The following PDK3 variants were observed in gnomAD, a reference collection of about 807,000 sequenced individuals.
The protein encoded by PDK3 is pyruvate dehydrogenase kinase 3, also known as pyruvate dehydrogenase kinase, isozyme 3.
A neutral mutation model predicts 32.0 loss-of-function variants in PDK3; 12 were observed. The observed-to-expected ratio is 0.37, with a 90% confidence interval of 0.24 to 0.61. PDK3 has a LOEUF of 0.61. Among genes scored for constraint, PDK3 ranks in the 20% least tolerant of loss-of-function variants. The pLI is 0.65. For missense variants in PDK3, 188 were observed against 316.9 expected (o/e 0.59, Z 3.09); for synonymous variants, 122 against 116.3 (o/e 1.05, Z -0.31).
At chrX:24,519,652 G>C (rs1358617240) in intron 6 of PDK3, among the ~76,000 whole-genome samples, 1 of 111,351 alleles carries the variant, frequency 9.0e-6, no homozygotes, top group Non-Finnish European at 1.9e-5. Flanking sequence ...TTACAGGCGT[G>C]AGCCACCGTG....
chrX:24,530,052 C>T (rs1922614572), intron 9 of PDK3, among the ~76,000 whole-genome samples: 1 of 111,699 alleles, frequency 9.0e-6, no homozygotes, highest in South Asian at 3.8e-4. Context: ...GCATTGGCCT[C>T]GGAGTTCTCG....
intron 2 of PDK3, among the ~76,000 whole-genome samples, chrX:24,497,502 TCTTGAACTCCTGGC>T (rs1356706852): frequency 6.3e-5 from 7 of 111,850 alleles, no homozygotes; most frequent in Non-Finnish European, 1.3e-4. Context: ...GCCAGGCTGG[TCTTGAACTCCTGGC>T]CTCAAGTAAT....
intron 1 of PDK3, among the ~76,000 whole-genome samples, chrX:24,472,843 A>G (rs1308752700): frequency 2.8e-5 from 3 of 106,961 alleles, no homozygotes; most frequent in Non-Finnish European, 5.8e-5. Context: ...ATGCGCCTAC[A>G]TGCCCAGCTA....
intron 1 of PDK3, among the ~76,000 whole-genome samples, chrX:24,480,124 A>G (rs973316362): frequency 1.8e-5 from 2 of 111,462 alleles, no homozygotes; most frequent in African/African-American, 6.5e-5. Flanking sequence ...AAGCATTACC[A>G]CATCCTGAAG....
downstream of PDK3, among the ~76,000 whole-genome samples, chrX:24,538,231 C>T (rs750026644): frequency 3.5e-4 from 39 of 112,326 alleles, no homozygotes; most frequent in African/African-American, 1.3e-3. Context: ...TTAGTCTTAA[C>T]TTCTAATATA....
chrX:24,509,673 G>T (rs1040737013), intron 5 of PDK3, among the ~76,000 whole-genome samples: 2 of 111,573 alleles, frequency 1.8e-5, no homozygotes, highest in African/African-American at 6.5e-5. Flanking sequence ...AACAGTGGAG[G>T]TGGTTTCAGA....
intron 6 of PDK3, among the ~76,000 whole-genome samples, chrX:24,523,310 TTACATTTCAACATA>T (rs1922442503): frequency 2.7e-5 from 3 of 112,328 alleles, no homozygotes; most frequent in Non-Finnish European, 5.6e-5. Context: ...ACATCAAGGG[TTACATTTCAACATA>T]GGAATTTGGG....
intron 3 of PDK3, among the ~76,000 whole-genome samples, chrX:24,500,609 G>A (rs779092884): frequency 8.9e-6 from 1 of 112,407 alleles, no homozygotes; most frequent in South Asian, 3.7e-4. Flanking sequence ...GAGTTTTGTA[G>A]CTTGCCTAGG....
chrX:24,500,290 T>C, intron 3 of PDK3, among the ~76,000 whole-genome samples: 1 of 112,323 alleles, frequency 8.9e-6, no homozygotes, highest in Non-Finnish European at 1.9e-5. Flanking sequence ...TCAGGTATTA[T>C]AACTAGTCTA....
Position 24,474,914 on chromosome X carries a change from A to C in PDK3, c.106+9353A>C, listed in dbSNP as rs377605583. 6.7e-4 allele frequency among the ~76,000 whole-genome samples: 75 copies of C among 111,966 alleles called. No individual in the cohort carries two copies. The South Asian group carries it at 0.027, about 40-fold the overall frequency. On this transcript the variant is annotated intron_variant, in intron 1 of 10. Transcript: ENST00000379162. ...GTTTCCGCATTCTTACTATTCTTAA[A>C]GTTTAAGGGCCCAGCCATCTTCTTT...
downstream of PDK3, among the ~76,000 whole-genome samples, chrX:24,534,708 G>A (rs776994227): frequency 1.1e-4 from 12 of 112,238 alleles, no homozygotes; most frequent in African/African-American, 3.9e-4. Context: ...CAACACTTTG[G>A]GAGGCTGAGG....
chrX:24,527,874 A>C (rs771157082), intron 8 of PDK3, among the ~76,000 whole-genome samples, 199 bp downstream of exon 8: 1 of 111,872 alleles, frequency 8.9e-6, no homozygotes, highest in Non-Finnish European at 1.9e-5. Context: ...AGACCTCAAC[A>C]CCAAGCCTGT....
chrX:24,485,034 A>G (rs1921363250), intron 1 of PDK3, among the ~76,000 whole-genome samples: 1 of 111,896 alleles, frequency 8.9e-6, no homozygotes, highest in South Asian at 3.7e-4. Context: ...TGATATAAAA[A>G]TAAAATGGAA....
intron 1 of PDK3, among the ~76,000 whole-genome samples, chrX:24,470,703 A>G: frequency 9.5e-6 from 1 of 105,603 alleles, no homozygotes; most frequent in Non-Finnish European, 2.0e-5. Context: ...AAAAAAAAAA[A>G]AAAAAAAGAA....
At chrX:24,489,731 AG>A (rs1176926101) in intron 1 of PDK3, among the ~76,000 whole-genome samples, 2 of 110,668 alleles carry the variant, frequency 1.8e-5, no homozygotes, top group African/African-American at 6.6e-5. Context: ...CAACAAACAA[AG>A]AAAAAAACAA....
chrX:24,485,616 T>C (rs1342777838), intron 1 of PDK3, among the ~76,000 whole-genome samples: 3 of 111,761 alleles, frequency 2.7e-5, no homozygotes, highest in Non-Finnish European at 5.6e-5. Flanking sequence ...GGCCACCCTC[T>C]GTTCTGACCT....
chrX:24,496,324 C>T (rs1038559444), intron 2 of PDK3, among the ~76,000 whole-genome samples: 2 of 109,833 alleles, frequency 1.8e-5, no homozygotes, highest in Non-Finnish European at 3.8e-5. Context: ...CACACACGTG[C>T]GTGCACACAT....
chrX:24,514,357 C>G (rs926109732), intron 5 of PDK3, among the ~76,000 whole-genome samples: 8 of 111,765 alleles, frequency 7.2e-5, no homozygotes, highest in Non-Finnish European at 1.3e-4. Flanking sequence ...TAATCAGTAC[C>G]TTAAAACCCT....
downstream of PDK3, among the ~76,000 whole-genome samples, chrX:24,537,339 G>A (rs1330915519): frequency 2.6e-4 from 25 of 97,584 alleles, no homozygotes; most frequent in Non-Finnish European, 4.1e-4. Context: ...CGCCATGTTG[G>A]CCAGGCTGGT....
Sources: gnomAD v4.1 joint callset for allele counts (sites outside exome capture counted in the v4.1 genomes callset) on GRCh38, gnomAD v4.1.1 for gene constraint, MANE v1.5 for transcripts, NCBI Gene and HGNC (gene_info 2026-07-23, HGNC 2026-07-21) for gene names.